The following AMT variants were observed in gnomAD, a reference collection of about 807,000 sequenced individuals.
The protein encoded by AMT is aminomethyltransferase.
A neutral mutation model predicts 39.5 loss-of-function variants in AMT; 24 were observed. The observed-to-expected ratio is 0.61, with a 90% CI of 0.44 to 0.86. The LOEUF (loss-of-function observed/expected upper bound fraction) is 0.86, where lower values mean the gene tolerates loss of function less well. Ranked by LOEUF, AMT falls within the 40% of genes least tolerant of loss-of-function variation. The pLI, the probability that AMT is intolerant of heterozygous loss-of-function variation, is 0.00. For synonymous variants in AMT, 210 were observed against 212.1 expected (o/e 0.99, Z 0.09); for missense variants, 501 against 537.0 (o/e 0.93, Z 0.66).
intron 3 of AMT, chr3:49,420,551 G>T: frequency 7.8e-6 from 5 of 643,836 alleles, no homozygotes; most frequent in South Asian, 1.7e-5. Context: ...CCTACCTTGG[G>T]GTGCTTCCCT....
Position 49,419,731 on chromosome 3 carries a change from T to C in AMT, c.529A>G (p.Asn177Asp), listed in dbSNP as rs771657567. Residue 177 changes from asparagine to aspartate, a missense_variant, in exon 5 of 9, where the codon AAT (asparagine) becomes GAT (aspartate). By Grantham distance (23) the Asn-to-Asp change is conservative (BLOSUM62 1). Transcript: ENST00000273588. ...GRDVGLEVLDNALLALQGPTA... is the reference protein window; with the variant it reads ...GRDVGLEVLDDALLALQGPTA... ...TCACCTTGCAGAGCTAGCAGGGCAT[T>C]ATCCAACACCTCCAGGCCCACATCT... 21 of 1,614,098 alleles carry C rather than the reference T, an allele frequency of 1.3e-5. 1 individual carries two copies. Among genetic ancestry groups the C allele is most frequent in the Non-Finnish European group, 1.8e-5 (21 of 1,180,012 alleles).
At chr3:49,420,499 A>C (rs1473296802) in intron 3 of AMT, 157 bp from the exon 4 acceptor site, 2 of 1,102,130 alleles carry the variant, frequency 1.8e-6, no homozygotes, top group East Asian at 5.1e-5. Flanking sequence ...CCCAAGTCCA[A>C]GGTCTTTGAT....
chr3:49,418,902 G>T, intron 7 of AMT, 69 bp downstream of exon 7: 1 of 1,535,462 alleles, frequency 6.5e-7, no homozygotes, highest in Non-Finnish European at 9.0e-7. Context: ...ATGAGTCATG[G>T]GCTGGCTAGT....
In AMT at chr3:49,422,380, C is replaced by T. The variant is rs142950858; in HGVS notation, c.71G>A (p.Arg24His). 19 of 1,613,646 alleles carry T rather than the reference C, an allele frequency of 1.2e-5. No individual in the cohort carries two copies. Among genetic ancestry groups the T allele is most frequent in the African/African-American group, 5.3e-5 (4 of 74,910 alleles). Residue 24 changes from arginine to histidine, a missense_variant, in exon 1 of 9, where the codon CGT (arginine) becomes CAT (histidine). Coordinates refer to ENST00000273588, the MANE Select transcript of AMT (RefSeq NM_000481.4). ...TCCCACCTGTGCGCAACTAAGTGGA[C>T]GACACAAGGCCGGGGGGAATGCCTG... ...RLQAFPPALC[R>H]PLSCAQEVLR...
At chr3:49,418,501 T>TC (rs1219494313) in intron 7 of AMT, 2 of 138,176 alleles carry the variant, frequency 1.4e-5, no homozygotes, top group African/African-American at 5.8e-5. Context: ...TTTCTTTTTT[T>TC]TTTTTTTTTT....
chr3:49,420,060 A>G (rs2049073020), intron 4 of AMT, 151 bp downstream of exon 4: 1 of 1,093,868 alleles, frequency 9.1e-7, no homozygotes, highest in East Asian at 2.6e-5. Context: ...GGCGTGCTCC[A>G]GAGAGGGCCT....
At chr3:49,418,323 C>G in intron 7 of AMT, 2 of 338,994 alleles carry the variant, frequency 5.9e-6, no homozygotes, top group Non-Finnish European at 1.1e-5. Context: ...GCTGGGATAA[C>G]AGGCACCCGC....
chr3:49,417,408 G>GC lies in AMT; in HGVS notation c.*131dup. On this transcript the variant is annotated 3_prime_UTR_variant, in exon 9 of 9. Transcript: ENST00000273588. ...TTAGGTGGGGGGAATAGGTGGTGTG[G>GC]CCCCTCAACCAGACAATTAGAATCA... 2 of 1,609,152 alleles carry GC rather than the reference G, an allele frequency of 1.2e-6. No homozygotes were observed. Among genetic ancestry groups the GC allele is most frequent in the East Asian group, 4.5e-5 (2 of 44,864 alleles).
At chr3:49,421,212 C>A (rs907427147) in intron 3 of AMT, 5 of 459,052 alleles carry the variant, frequency 1.1e-5, no homozygotes, top group African/African-American at 9.9e-5. Context: ...TGGCCAGGGA[C>A]CACATGTTGA....
rs765176362 is a variant in AMT, at chr3:49,419,786, G to A, written c.474C>T (p.Asp158=). 6.2e-7 allele frequency: 1 copy of A among 1,614,030 alleles called. No homozygotes were observed. Among genetic ancestry groups the A allele is most frequent in the South Asian group, 1.1e-5 (1 of 91,088 alleles). The change falls in exon 5 of 9, where the codon GAC becomes GAT. Residue 158 remains aspartate, a splice_region_variant and synonymous_variant. Transcript: ENST00000273588. ...CCTGGTTCTGAAGCTCCCTGACCTT[G>A]TCCTAAAAGACAGAAACACAAGAGC... is the stretch of plus-strand genomic sequence containing the variant. ...CWEKDLALMQ[D]KVRELQNQGR...
At chr3:49,420,088 C>T (rs2049073466) in intron 4 of AMT, 123 bp downstream of exon 4, 1 of 1,291,984 alleles carries the variant, frequency 7.7e-7, no homozygotes, top group Non-Finnish European at 1.1e-6. Context: ...AGTCTCATAG[C>T]TGTTCATTCA....
chr3:49,418,064 A>G (rs2049030481), intron 7 of AMT, 91 bp from the exon 8 acceptor site: 1 of 1,476,548 alleles, frequency 6.8e-7, no homozygotes, highest in Non-Finnish European at 9.2e-7. Context: ...CACACTATCT[A>G]GCATCAAGGC....
At chr3:49,418,186 T>TA in intron 7 of AMT, 3 of 601,834 alleles carry the variant, frequency 5.0e-6, no homozygotes, top group Non-Finnish European at 5.8e-6. Context: ...GTCTTCAGTT[T>TA]CTTTTTTTTT....
In AMT at chr3:49,417,220, C is replaced by A; in HGVS notation, c.*320G>T. 6.5e-7 allele frequency: 1 copy of A among 1,543,894 alleles called. No individual in the cohort carries two copies. Among genetic ancestry groups the A allele is most frequent in the South Asian group, 1.1e-5 (1 of 89,004 alleles). On this transcript the variant is annotated 3_prime_UTR_variant, in exon 9 of 9. Transcript: ENST00000273588. ...TCCACAAAGGTGAGCCTTTGCTCCA[C>A]AGCCAGCACCTGGCAGAGTGGGAGA...
chr3:49,421,252 C>CAG, intron 3 of AMT: 1 of 545,270 alleles, frequency 1.8e-6, no homozygotes, highest in Non-Finnish European at 3.3e-6. Flanking sequence ...AAGGGATGGC[C>CAG]AGAGAGCAGC....
intron 3 of AMT, chr3:49,420,868 T>G: frequency 4.6e-6 from 1 of 217,896 alleles, no homozygotes; most frequent in Non-Finnish European, 9.4e-6. Context: ...ATTCAGCAGG[T>G]CTGCAGCAGT....
At chr3:49,420,067 G>A in intron 4 of AMT, 144 bp downstream of exon 4, 2 of 1,133,252 alleles carry the variant, frequency 1.8e-6, no homozygotes, top group South Asian at 1.3e-5. Context: ...TCCAGAGAGG[G>A]CCTGCTCTTG....
At chr3:49,421,260 A>G in intron 3 of AMT, 1 of 561,248 alleles carries the variant, frequency 1.8e-6, no homozygotes, top group South Asian at 2.0e-5. Flanking sequence ...GCCAGAGAGC[A>G]GCATATTAAC....
chr3:49,422,206 A>G lies in AMT; in HGVS notation c.156T>C (p.Phe52=), dbSNP rs993993334. ...HLAHGGKMVA[F]AGWSLPVQYR... ...ACTGCACTGGCAGACTCCAACCCGC[A>G]AACGCCACCATTTTCCCGCCGTGGG... The change falls in exon 2 of 9, where the codon TTT becomes TTC. Residue 52 remains phenylalanine (F), a synonymous_variant. Transcript: ENST00000273588. 1.4e-5 allele frequency: 23 copies of G among 1,613,982 alleles called. No homozygotes were observed. Among genetic ancestry groups the G allele is most frequent in the Non-Finnish European group, 1.7e-5 (20 of 1,180,004 alleles).
Sources: allele counts gnomAD v4.1 joint callset, GRCh38; gene constraint gnomAD v4.1.1; transcripts MANE v1.5; gene names NCBI Gene and HGNC (gene_info 2026-07-23, HGNC 2026-07-21).